UNC13C: variants seen among roughly 807,000 people sequenced by gnomAD.
The protein encoded by UNC13C is unc-13 homolog C.
UNC13C carries 174 observed loss-of-function variants against 245.4 expected under a neutral mutation model. The observed-to-expected ratio is 0.71, with a 90% CI of 0.63 to 0.80. The LOEUF (loss-of-function observed/expected upper bound fraction) is 0.80. Ranked by LOEUF, UNC13C falls within the 30% of genes least tolerant of loss-of-function variation. UNC13C has a pLI of 0.00. For missense variants in UNC13C, 2,829 were observed against 2,602.9 expected, an observed-to-expected ratio of 1.09 and a Z score of -1.89; for synonymous variants, 992 against 895.1, an observed-to-expected ratio of 1.11 and a Z score of -1.93.
intron 19 of UNC13C, among the ~76,000 whole-genome samples, chr15:54,460,014 C>A (rs896170514): frequency 6.6e-6 from 1 of 152,138 alleles, no homozygotes; most frequent in Non-Finnish European, 1.5e-5. Context: ...GTTCCTTCTA[C>A]TTTGTGTAGA....
At chr15:54,584,662 C>T (rs1013721260) in intron 30 of UNC13C, among the ~76,000 whole-genome samples, 7 of 152,252 alleles carry the variant, frequency 4.6e-5, no homozygotes, top group African/African-American at 1.7e-4. Context: ...GTAAGTGTTA[C>T]AGTCCATTTA....
intron 19 of UNC13C, among the ~76,000 whole-genome samples, chr15:54,474,501 G>T (rs1359429287): frequency 2.0e-5 from 3 of 151,476 alleles, no homozygotes; most frequent in Non-Finnish European, 4.4e-5. Flanking sequence ...CATGTCCCTT[G>T]CCTGCTTTTT....
At chr15:54,308,538 A>G (rs2037783995) in intron 13 of UNC13C, among the ~76,000 whole-genome samples, 1 of 151,954 alleles carries the variant, frequency 6.6e-6, no homozygotes, top group South Asian at 2.1e-4. Flanking sequence ...GCATTTTTCA[A>G]GAATACAATG....
At chr15:54,093,754 G>A (rs754300060) in intron 2 of UNC13C, among the ~76,000 whole-genome samples, 5 of 152,088 alleles carry the variant, frequency 3.3e-5, no homozygotes, top group African/African-American at 4.8e-5. Context: ...TTTCAATTCC[G>A]ATGGAGAAAA....
chr15:54,374,967 C>A (rs969232265), intron 17 of UNC13C, among the ~76,000 whole-genome samples: 1 of 152,188 alleles, frequency 6.6e-6, no homozygotes, highest in African/African-American at 2.4e-5. Context: ...TATAAATAAA[C>A]CACAGTTTAC....
chr15:54,626,859 T>A lies in UNC13C; in HGVS notation c.6391T>A (p.Tyr2131Asn). Reference sequence around the variant, plus strand: ...CGGAAAGGAAAATCGACCAGGGGCTTATGAACTTCATCTCTCAGTTAAGGA... The same window carrying A: ...CGGAAAGGAAAATCGACCAGGGGCTAATGAACTTCATCTCTCAGTTAAGGA... Reference protein sequence around the residue: ...ILGKENRPGAYELHLSVKDYC... With the variant: ...ILGKENRPGANELHLSVKDYC... Residue 2131 changes from tyrosine to asparagine, a missense_variant, in exon 33 of 33, where the codon TAT (tyrosine) becomes AAT (asparagine). Tyr to Asn is a moderately radical substitution (Grantham distance 143, BLOSUM62 -2). Transcript: ENST00000260323. The A allele has an allele frequency of 1.2e-6, 2 of 1,613,070 alleles. No individual in the cohort carries two copies. The highest frequency in any genetic ancestry group is 2.2e-5 in the South Asian group (2 of 91,048).
At chr15:54,495,698 G>A (rs879317360) in intron 20 of UNC13C, among the ~76,000 whole-genome samples, 1 of 152,004 alleles carries the variant, frequency 6.6e-6, no homozygotes, top group Non-Finnish European at 1.5e-5. Flanking sequence ...AGGAAAAGTA[G>A]TTTTGAGCTA....
In UNC13C at chr15:54,553,143, A is replaced by G. The variant is rs187693745; in HGVS notation, c.5878-2289A>G. ...TACAATATATAATATATAGTATTCT[A>G]TATTACAATATATATTATATACTGT... On this transcript the variant is annotated intron_variant, in intron 28 of 32. Transcript: ENST00000260323. Among the ~76,000 whole-genome samples the G allele has an allele frequency of 7.0e-3, 707 of 100,700 alleles. 93 individuals are homozygous for G. The highest frequency in any genetic ancestry group is 0.027 in the African/African-American group (569 of 21,058). 66.1% of individuals were successfully genotyped at this position (100,700 alleles called of 152,430 possible).
chr15:54,033,742 C>A (rs757272152), intron 2 of UNC13C, among the ~76,000 whole-genome samples: 9 of 152,126 alleles, frequency 5.9e-5, no homozygotes, highest in Non-Finnish European at 1.2e-4. Flanking sequence ...GTTAGGACAG[C>A]ACATGATATG....
At chr15:54,419,446 A>G (rs1020072546) in intron 19 of UNC13C, among the ~76,000 whole-genome samples, 1 of 152,270 alleles carries the variant, frequency 6.6e-6, no homozygotes, top group African/African-American at 2.4e-5. Flanking sequence ...ATAACTTTTA[A>G]ATCTGTCTTT....
intron 4 of UNC13C, among the ~76,000 whole-genome samples, chr15:54,199,565 C>A (rs1277788049): frequency 1.3e-5 from 2 of 151,966 alleles, no homozygotes. Flanking sequence ...CAATTATAAG[C>A]CAAGAATTGT....
At chr15:53,915,234 T>C in the UNC13C span, among the ~76,000 whole-genome samples, 1 of 152,244 alleles carries the variant, frequency 6.6e-6, no homozygotes, top group Non-Finnish European at 1.5e-5. Context: ...TAAAAAAATA[T>C]GTCCTATGTG....
intron 18 of UNC13C, among the ~76,000 whole-genome samples, chr15:54,394,132 TG>T: frequency 6.6e-6 from 1 of 152,014 alleles, no homozygotes; most frequent in South Asian, 2.1e-4. Flanking sequence ...TTAGGGTCAT[TG>T]TTTATGTTCA....
chr15:54,035,770 C>G (rs1366318980), intron 2 of UNC13C, among the ~76,000 whole-genome samples: 2 of 152,052 alleles, frequency 1.3e-5, no homozygotes, highest in African/African-American at 4.8e-5. Flanking sequence ...GCACCCAATG[C>G]TAGGAAGCAG....
chr15:54,547,834 C>T (rs1474483249), intron 27 of UNC13C, among the ~76,000 whole-genome samples: 1 of 123,126 alleles, frequency 8.1e-6, no homozygotes, highest in Non-Finnish European at 1.5e-5. Context: ...TACTTCAATA[C>T]ATAATATATT....
intron 19 of UNC13C, among the ~76,000 whole-genome samples, chr15:54,476,651 C>A (rs1010350533): frequency 6.6e-6 from 1 of 151,772 alleles, no homozygotes; most frequent in Admixed American, 6.6e-5. Context: ...GGGCTCTGTT[C>A]TGTTCCATTG....
intron 19 of UNC13C, among the ~76,000 whole-genome samples, chr15:54,478,044 G>T (rs1892873418): frequency 6.6e-6 from 1 of 151,652 alleles, no homozygotes; most frequent in South Asian, 2.1e-4. Flanking sequence ...TTGGGAGAGT[G>T]TATGTGTCGA....
intron 1 of UNC13C, among the ~76,000 whole-genome samples, chr15:53,988,423 A>G (rs1382878961): frequency 6.6e-6 from 1 of 152,004 alleles, no homozygotes; most frequent in East Asian, 1.9e-4. Flanking sequence ...TGTTGTGAGT[A>G]GAGAGCAGGA....
intron 4 of UNC13C, among the ~76,000 whole-genome samples, chr15:54,171,032 T>A (rs2033379600): frequency 6.6e-6 from 1 of 152,132 alleles, no homozygotes; most frequent in African/African-American, 2.4e-5. Context: ...AAACAAGCCC[T>A]TTTTAGTGTG....
Sources: allele counts gnomAD v4.1 joint callset (sites outside exome capture counted in the v4.1 genomes callset), GRCh38; gene constraint gnomAD v4.1.1; transcripts MANE v1.5; gene names NCBI Gene and HGNC (gene_info 2026-07-23, HGNC 2026-07-21).